The following SCN2A variants were observed in gnomAD, a reference collection of about 807,000 sequenced individuals.
The protein encoded by SCN2A is sodium channel protein type 2 subunit alpha.
In SCN2A, 20 loss-of-function variants were observed where a neutral mutation model predicts 188.7. The ratio of observed to expected loss-of-function variants is 0.11; its 90% CI spans 0.07 to 0.15. The LOEUF is 0.15. Among genes scored for constraint, SCN2A ranks in the 10% least tolerant of loss-of-function variants. The pLI is 1.00. For synonymous variants in SCN2A, 804 were observed against 833.1 expected (o/e 0.97, Z 0.60); for missense variants, 1,278 against 2,445.0 (o/e 0.52, Z 10.07).
chr2:165,272,111 G>A (rs953077922), intron 1 of SCN2A: 1 of 151,814 alleles, frequency 6.6e-6, no homozygotes, highest in African/African-American at 2.4e-5. Flanking sequence ...GTGGTATGCT[G>A]TTTTCAACAC....
chr2:165,243,454 T>C (rs962056158), intron 1 of SCN2A, among the ~76,000 whole-genome samples: 2 of 151,968 alleles, frequency 1.3e-5, no homozygotes, highest in Non-Finnish European at 2.9e-5. Context: ...AATAAAAAAT[T>C]AGCTGGGTGT....
At chr2:165,291,934 T>C (rs1343591037) in intron 1 of SCN2A, among the ~76,000 whole-genome samples, 6 of 151,918 alleles carry the variant, frequency 3.9e-5, no homozygotes, top group Non-Finnish European at 7.4e-5. Flanking sequence ...CAGGTGTCAG[T>C]GAGATGCAAT....
At chr2:165,259,531 A>G (rs753554807) in intron 1 of SCN2A, among the ~76,000 whole-genome samples, 2 of 152,210 alleles carry the variant, frequency 1.3e-5, no homozygotes, top group Non-Finnish European at 2.9e-5. Flanking sequence ...ATTTCACAAT[A>G]TTCATAGCAT....
chr2:165,339,881 C>T (rs1327452520), intron 14 of SCN2A, among the ~76,000 whole-genome samples: 1 of 152,062 alleles, frequency 6.6e-6, no homozygotes, highest in Non-Finnish European at 1.5e-5. Context: ...AAACATTAAC[C>T]TACCTGACTT....
rs1433017486 is a variant in SCN2A, at chr2:165,239,586, A to G, written c.-106A>G. The G allele has an allele frequency of 1.1e-5, 11 of 975,504 alleles. No homozygotes were observed. The highest frequency in any genetic ancestry group is 1.3e-5 in the Non-Finnish European group (11 of 820,972). 60.4% of individuals were successfully genotyped at this position (975,504 alleles called of 1,614,324 possible). On this transcript the variant is annotated 5_prime_UTR_variant, in exon 1 of 27. Transcript: ENST00000375437. ...CTGAAGAATTGCATTGGAGACTGTTATATTCAACACATACGTGGATTCTGT... is the reference window on the plus strand; with the variant it reads ...CTGAAGAATTGCATTGGAGACTGTTGTATTCAACACATACGTGGATTCTGT...
intron 4 of SCN2A, 105 bp downstream of exon 4, chr2:165,308,042 G>A (rs1441436531): frequency 2.5e-6 from 2 of 812,724 alleles, no homozygotes; most frequent in Non-Finnish European, 4.4e-6. Context: ...GCTAGCTACT[G>A]TTAACCAGAC....
intron 11 of SCN2A, chr2:165,320,148 G>C (rs530066760): frequency 6.6e-6 from 1 of 152,246 alleles, no homozygotes; most frequent in Non-Finnish European, 1.5e-5. Context: ...AAACAAAGGG[G>C]CTACATGCCC....
Position 165,380,601 on chromosome 2 carries a change from C to A in SCN2A, c.4318C>A (p.Gln1440Lys). 1 of 1,580,692 alleles carries A rather than the reference C, an allele frequency of 6.3e-7. No homozygotes were observed. The highest frequency in any genetic ancestry group is 8.7e-7 in the Non-Finnish European group (1 of 1,150,922). The change falls in exon 24 of 27, where the codon CAA becomes AAA. Residue 1440 changes from glutamine (Q) to lysine (K), a missense_variant. By Grantham distance (53) the Gln-to-Lys change is moderately conservative. Coordinates refer to ENST00000375437, the MANE Select transcript of SCN2A (RefSeq NM_001040142.2). ...TCTTCATATTCTTTAGGTAGAATTACAACCCAAGTATGAAGACAACCTGTA... is the reference window on the plus strand; with the variant it reads ...TCTTCATATTCTTTAGGTAGAATTAAAACCCAAGTATGAAGACAACCTGTA... ...AAVDSRNVEL[Q>K]PKYEDNLYMY...
intron 14 of SCN2A, among the ~76,000 whole-genome samples, chr2:165,333,866 C>A (rs2105298118): frequency 6.6e-6 from 1 of 150,842 alleles, no homozygotes; most frequent in East Asian, 1.9e-4. Context: ...ATTGACAAAT[C>A]TTTAGTTGGG....
chr2:165,291,414 TCCTCC>T (rs1696128196), intron 1 of SCN2A, among the ~76,000 whole-genome samples: 19 of 126,038 alleles, frequency 1.5e-4, no homozygotes, highest in African/African-American at 5.3e-4. Flanking sequence ...CTTCCTTCCT[TCCTCC>T]CTGTCTGTCT....
chr2:165,247,989 T>C (rs534377610), intron 1 of SCN2A, among the ~76,000 whole-genome samples: 1 of 152,216 alleles, frequency 6.6e-6, no homozygotes, highest in East Asian at 1.9e-4. Context: ...CCTTGATTAT[T>C]CTTTTTCTCT....
intron 25 of SCN2A, among the ~76,000 whole-genome samples, chr2:165,383,495 C>T (rs1451977502): frequency 1.3e-5 from 2 of 151,934 alleles, no homozygotes; most frequent in African/African-American, 2.4e-5. Flanking sequence ...CCTTGGAGGC[C>T]GTGTTAAGGA....
In SCN2A at chr2:165,374,448, C is replaced by A. The variant is rs2105372634; in HGVS notation, c.3973-237C>A. Reference sequence around the variant, plus strand: ...AGTTCCATCCTTTGAGGTAAATTTGCTACATGTGTGTTATTACCTCTTGAG... The same window carrying A: ...AGTTCCATCCTTTGAGGTAAATTTGATACATGTGTGTTATTACCTCTTGAG... On this transcript the variant is annotated intron_variant, in intron 21 of 26. Coordinates refer to ENST00000375437, the MANE Select transcript of SCN2A (RefSeq NM_001040142.2). Among the ~76,000 whole-genome samples the A allele has an allele frequency of 1.3e-5, 2 of 152,092 alleles. 1 individual carries two copies. Among genetic ancestry groups the A allele is most frequent in the South Asian group, 4.1e-4 (2 of 4,822 alleles).
intron 16 of SCN2A, 134 bp from the exon 17 acceptor site, chr2:165,354,058 T>G: frequency 9.5e-7 from 1 of 1,057,276 alleles, no homozygotes. Context: ...TTTTTCAGAA[T>G]AGTGTATCAT....
At chr2:165,290,890 C>A in intron 1 of SCN2A, 2 of 536,910 alleles carry the variant, frequency 3.7e-6, no homozygotes, top group African/African-American at 2.1e-5. Context: ...AAAGTGGAGG[C>A]ACTGCAAATA....
At chr2:165,323,837 TAATTA>T (rs1698209191) in intron 12 of SCN2A, among the ~76,000 whole-genome samples, 1 of 152,234 alleles carries the variant, frequency 6.6e-6, no homozygotes. Flanking sequence ...TAATGCTCAC[TAATTA>T]AATAAATACT....
intron 12 of SCN2A, 136 bp from the exon 13 acceptor site, chr2:165,326,716 C>A: frequency 9.5e-7 from 1 of 1,052,660 alleles, no homozygotes; most frequent in Non-Finnish European, 1.4e-6. Flanking sequence ...ATTATCATTC[C>A]AACAATATCT....
In SCN2A at chr2:165,359,260, A is replaced by G. The variant is rs186177230; in HGVS notation, c.3399+4589A>G. On this transcript the variant is annotated intron_variant, in intron 17 of 26. Coordinates refer to ENST00000375437, the MANE Select transcript of SCN2A (RefSeq NM_001040142.2). ...AGATGCGCATATACACAGGGACTAC[A>G]GATAATTACTTTTTCCTATTATGTA... is the stretch of plus-strand genomic sequence containing the variant. Among the ~76,000 whole-genome samples, 155 of 152,252 alleles carry G rather than the reference A, an allele frequency of 1.0e-3. 1 individual carries two copies. Among genetic ancestry groups the G allele is most frequent in the Non-Finnish European group, 1.6e-3 (109 of 67,990 alleles).
At chr2:165,318,157 G>A (rs2105265604) in intron 11 of SCN2A, among the ~76,000 whole-genome samples, 1 of 152,302 alleles carries the variant, frequency 6.6e-6, no homozygotes, top group East Asian at 1.9e-4. Flanking sequence ...GATTGTGTTG[G>A]TAACCATCTC....
Sources: allele counts gnomAD v4.1 joint callset (sites outside exome capture counted in the v4.1 genomes callset), GRCh38; gene constraint gnomAD v4.1.1; transcripts MANE v1.5; gene names NCBI Gene and HGNC (gene_info 2026-07-23, HGNC 2026-07-21).